ETV1: variants seen among roughly 807,000 people sequenced by gnomAD.
ETV1 encodes ETS variant transcription factor 1, also known as ETS translocation variant 1.
In ETV1, 27 loss-of-function variants were observed where a neutral mutation model predicts 62.3. The observed-to-expected ratio is 0.43, with a 90% CI of 0.32 to 0.60. The LOEUF (loss-of-function observed/expected upper bound fraction) is 0.60. Among genes scored for constraint, ETV1 ranks in the 20% least tolerant of loss-of-function variants. The pLI, the probability that ETV1 is intolerant of heterozygous loss-of-function variation, is 0.06. For synonymous variants in ETV1, 222 were observed against 199.6 expected (o/e 1.11, Z -0.94); for missense variants, 605 against 605.8 (o/e 1.00, Z 0.01).
chr7:13,949,674 T>A (rs1297974871), intron 6 of ETV1, among the ~76,000 whole-genome samples: 6 of 152,192 alleles, frequency 3.9e-5, no homozygotes. Flanking sequence ...TTCTCTTGTT[T>A]ACAGTGCCTG....
chr7:13,942,131 C>G (rs1271526200), intron 6 of ETV1, among the ~76,000 whole-genome samples: 1 of 148,968 alleles, frequency 6.7e-6, no homozygotes, highest in African/African-American at 2.5e-5. Flanking sequence ...TCACGCCATT[C>G]TCCTGCCTCA....
chr7:13,954,168 A>T (rs1341521304), intron 6 of ETV1, among the ~76,000 whole-genome samples: 2 of 152,222 alleles, frequency 1.3e-5, no homozygotes, highest in African/African-American at 4.8e-5. Context: ...AGTCCAATAA[A>T]TGTATTAACA....
At chr7:13,935,942 A>C in intron 7 of ETV1, 46 bp from the exon 8 acceptor site, 1 of 1,458,650 alleles carries the variant, frequency 6.9e-7, no homozygotes, top group East Asian at 2.3e-5. Context: ...TCTTTGGAGC[A>C]ATTTTTTAAA....
At chr7:13,947,694 G>A (rs1788335437) in intron 6 of ETV1, among the ~76,000 whole-genome samples, 1 of 152,166 alleles carries the variant, frequency 6.6e-6, no homozygotes, top group Non-Finnish European at 1.5e-5. Context: ...CTTCATGCAT[G>A]AGCACCACTA....
intron 8 of ETV1, among the ~76,000 whole-genome samples, chr7:13,932,315 T>C (rs1470287243): frequency 2.0e-5 from 3 of 152,172 alleles, no homozygotes; most frequent in Non-Finnish European, 2.9e-5. Context: ...CTAATTAACA[T>C]TGCGTTCTAG....
At chr7:13,945,239 T>G (rs1214682390) in intron 6 of ETV1, among the ~76,000 whole-genome samples, 1 of 152,204 alleles carries the variant, frequency 6.6e-6, no homozygotes, top group Non-Finnish European at 1.5e-5. Flanking sequence ...GAATCCACTG[T>G]GATCTGATGT....
chr7:13,967,113 CAG>C (rs1308282026), intron 6 of ETV1, among the ~76,000 whole-genome samples: 1 of 152,044 alleles, frequency 6.6e-6, no homozygotes, highest in African/African-American at 2.4e-5. Context: ...TAAAAAATAA[CAG>C]TAATGGATAC....
chr7:13,901,115 C>T (rs537044215), intron 12 of ETV1, among the ~76,000 whole-genome samples: 4 of 151,896 alleles, frequency 2.6e-5, no homozygotes, highest in Non-Finnish European at 5.9e-5. Flanking sequence ...AGCAATTCTC[C>T]TGCCTCAGCC....
chr7:13,973,040 T>A (rs1314353812), intron 6 of ETV1, among the ~76,000 whole-genome samples: 2 of 152,232 alleles, frequency 1.3e-5, no homozygotes, highest in East Asian at 3.8e-4. Flanking sequence ...CAACAAACAA[T>A]GCTCAGGGAA....
Position 13,970,295 on chromosome 7 carries a change from C to A in ETV1, c.235+7132G>T, listed in dbSNP as rs1436821066. 6.5e-4 allele frequency among the ~76,000 whole-genome samples: 97 copies of A among 148,232 alleles called. 2 individuals are homozygous for A. The highest frequency in any genetic ancestry group is 2.3e-3 in the African/African-American group (92 of 39,706). ...ACACACACACACACACACACACACA[C>A]ACACACACACACACACACACACACA... On this transcript the variant is annotated intron_variant, in intron 6 of 13. Coordinates refer to ENST00000430479, the MANE Select transcript of ETV1 (RefSeq NM_004956.5).
In ETV1 at chr7:13,989,006, A is replaced by G; in HGVS notation, c.45+2T>C. The G allele has an allele frequency of 1.2e-6, 2 of 1,603,516 alleles. No homozygotes were observed. Among genetic ancestry groups the G allele is most frequent in the Non-Finnish European group, 8.5e-7 (1 of 1,174,492 alleles). On this transcript the variant is annotated splice_donor_variant, in intron 3 of 13. Coordinates refer to ENST00000430479, the MANE Select transcript of ETV1 (RefSeq NM_004956.5). LOFTEE classifies it high-confidence loss of function. ...ACAGCAACTTTCAAACTGATCACTC[A>G]CATTGGTGACCATGTAAGGCACTTG... is the stretch of plus-strand genomic sequence containing the variant.
intron 6 of ETV1, among the ~76,000 whole-genome samples, chr7:13,970,526 C>A (rs1780795434): frequency 6.6e-6 from 1 of 151,918 alleles, no homozygotes; most frequent in African/African-American, 2.4e-5. Flanking sequence ...TGAAAACAAA[C>A]CAAAAAACTC....
At chr7:13,984,016 GA>G (rs529568183) in intron 5 of ETV1, among the ~76,000 whole-genome samples, 69 of 148,690 alleles carry the variant, frequency 4.6e-4, no homozygotes, top group South Asian at 8.5e-4. Flanking sequence ...TAGTCTTACA[GA>G]AAAAAAAAAA....
At position 13,938,850 on chromosome 7, in the gene ETV1, G is replaced by C. The variant is rs1787121637; in HGVS notation, c.365+267C>G. Among the ~76,000 whole-genome samples, 3 of 152,120 alleles carry C rather than the reference G, an allele frequency of 2.0e-5. 1 individual carries two copies. The South Asian group carries it at 6.2e-4, about 32-fold the overall frequency. The stretch of plus-strand genomic sequence containing the variant: ...AACTTTCAAAAGCTGCTTGTGCCAA[G>C]TAAAACCCCTTTTTCAAACCCAAGA... On this transcript the variant is annotated intron_variant, in intron 7 of 13. Transcript: ENST00000430479.
chr7:13,899,092 A>T (rs954958066), intron 13 of ETV1, among the ~76,000 whole-genome samples: 1 of 152,204 alleles, frequency 6.6e-6, no homozygotes, highest in Admixed American at 6.5e-5. Flanking sequence ...TTCAAACCTA[A>T]TTCCTGACTG....
intron 6 of ETV1, among the ~76,000 whole-genome samples, chr7:13,966,497 G>A (rs928400330): frequency 6.6e-6 from 1 of 152,040 alleles, no homozygotes; most frequent in Non-Finnish European, 1.5e-5. Flanking sequence ...AGCTGGGGAT[G>A]GTGGTGCATG....
chr7:13,971,214 G>T (rs959485216), intron 6 of ETV1, among the ~76,000 whole-genome samples: 1 of 152,104 alleles, frequency 6.6e-6, no homozygotes, highest in African/African-American at 2.4e-5. Context: ...TAGGTGATCC[G>T]CCTGCCTCGG....
intron 9 of ETV1, among the ~76,000 whole-genome samples, chr7:13,920,761 T>C (rs757513008): frequency 6.6e-6 from 1 of 152,186 alleles, no homozygotes; most frequent in African/African-American, 2.4e-5. Context: ...CATATTTAAG[T>C]ATTTCTTAGA....
intron 6 of ETV1, among the ~76,000 whole-genome samples, chr7:13,966,599 A>T (rs1780314224): frequency 1.3e-5 from 2 of 152,098 alleles, no homozygotes; most frequent in East Asian, 3.9e-4. Context: ...GTGAGCTGAG[A>T]TCATGCCACT....
Sources: allele counts gnomAD v4.1 joint callset (sites outside exome capture counted in the v4.1 genomes callset), GRCh38; gene constraint gnomAD v4.1.1; transcripts MANE v1.5; gene names NCBI Gene and HGNC (gene_info 2026-07-23, HGNC 2026-07-21).